The following SDK1 variants were observed in gnomAD, a reference collection of about 807,000 sequenced individuals.
SDK1 encodes protein sidekick-1.
Under a neutral mutation model 245.5 loss-of-function variants are expected in SDK1, and 157 were observed. The ratio of observed to expected loss-of-function variants is 0.64; its 90% CI spans 0.56 to 0.73. The LOEUF (loss-of-function observed/expected upper bound fraction) is 0.73, where lower values mean the gene tolerates loss of function less well. Ranked by LOEUF, SDK1 falls within the 30% of genes least tolerant of loss-of-function variation. The pLI is 0.00. For synonymous variants in SDK1, 1,647 were observed against 1,278.5 expected, an observed-to-expected ratio of 1.29 and a Z score of -6.15; for missense variants, 3,583 against 3,002.3, an observed-to-expected ratio of 1.19 and a Z score of -4.52.
At chr7:4,234,521 G>T (rs939098817) in intron 41 of SDK1, among the ~76,000 whole-genome samples, 16 of 152,190 alleles carry the variant, frequency 1.1e-4, no homozygotes, top group African/African-American at 3.9e-4. Flanking sequence ...GAGGCAGAAG[G>T]TGGCGGAGAA....
At chr7:3,813,677 G>A (rs1018381874) in intron 4 of SDK1, among the ~76,000 whole-genome samples, 24 of 133,446 alleles carry the variant, frequency 1.8e-4, no homozygotes, top group South Asian at 2.5e-4. Flanking sequence ...GATCCCCGAG[G>A]AATCGCCACA....
intron 7 of SDK1, among the ~76,000 whole-genome samples, chr7:3,953,436 T>C (rs1283411901): frequency 6.6e-6 from 1 of 152,236 alleles, no homozygotes; most frequent in Non-Finnish European, 1.5e-5. Context: ...CTGGTATTGC[T>C]ACCTTCCCCA....
At chr7:3,553,397 C>T (rs1779477684) in intron 1 of SDK1, among the ~76,000 whole-genome samples, 1 of 152,144 alleles carries the variant, frequency 6.6e-6, no homozygotes, top group African/African-American at 2.4e-5. Flanking sequence ...TGATAGACCC[C>T]AGAAATAATG....
intron 1 of SDK1, among the ~76,000 whole-genome samples, chr7:3,533,414 C>G (rs941813436): frequency 4.6e-5 from 7 of 152,146 alleles, no homozygotes; most frequent in African/African-American, 1.7e-4. Context: ...TTCAAAATAA[C>G]ATGAATTTTA....
intron 43 of SDK1, among the ~76,000 whole-genome samples, chr7:4,242,665 G>A (rs375191204): frequency 8.7e-4 from 133 of 152,280 alleles, no homozygotes; most frequent in African/African-American, 3.0e-3. Flanking sequence ...CCCCAGCATC[G>A]GGGTGGAGGA....
chr7:4,182,037 A>C (rs1211683021), intron 35 of SDK1, among the ~76,000 whole-genome samples: 1 of 152,140 alleles, frequency 6.6e-6, no homozygotes, highest in African/African-American at 2.4e-5. Flanking sequence ...CTCCTGCCTC[A>C]GCCTCCTGAG....
rs868494492 is a variant in SDK1, at chr7:3,718,549, A to C, written c.713+76444A>C. Among the ~76,000 whole-genome samples, 47 of 133,956 alleles carry C rather than the reference A, an allele frequency of 3.5e-4. 1 individual carries two copies. Among genetic ancestry groups the C allele is most frequent in the African/African-American group, 1.4e-3 (44 of 30,436 alleles). The allele number at this position is 133,956 out of a possible 152,430, so 87.9% of individuals were successfully genotyped here. A position where few individuals can be genotyped will look rare whatever the true frequency, so the allele number is the denominator to read the frequency against. On this transcript the variant is annotated intron_variant, in intron 4 of 44. Transcript: ENST00000404826. ...TAAATAAATAAATAAATAAATAAAT[A>C]AATAAATAAATAAATAAATAAATAA...
intron 5 of SDK1, among the ~76,000 whole-genome samples, chr7:3,862,143 T>G (rs1329668140): frequency 6.6e-6 from 1 of 152,230 alleles, no homozygotes; most frequent in Non-Finnish European, 1.5e-5. Flanking sequence ...ACTTACGCAA[T>G]GCTTAGGAAA....
intron 1 of SDK1, among the ~76,000 whole-genome samples, chr7:3,367,090 G>T (rs1781112927): frequency 6.6e-6 from 1 of 152,216 alleles, no homozygotes; most frequent in Non-Finnish European, 1.5e-5. Context: ...TGGAAGATAA[G>T]TTGTGAAAGT....
At chr7:3,435,759 C>T (rs949202686) in intron 1 of SDK1, among the ~76,000 whole-genome samples, 3 of 152,118 alleles carry the variant, frequency 2.0e-5, no homozygotes, top group African/African-American at 4.8e-5. Flanking sequence ...TTCTAAGGGA[C>T]ATCTTGTGGC....
intron 35 of SDK1, 33 bp downstream of exon 35, chr7:4,178,619 G>C: frequency 2.0e-6 from 3 of 1,497,280 alleles, no homozygotes; most frequent in Non-Finnish European, 2.8e-6. Flanking sequence ...CCCACTGCCA[G>C]AGAGGGCCAC....
At chr7:3,774,578 G>A (rs1780496590) in intron 4 of SDK1, among the ~76,000 whole-genome samples, 1 of 152,192 alleles carries the variant, frequency 6.6e-6, no homozygotes, top group Non-Finnish European at 1.5e-5. Context: ...GAAGTTGGAA[G>A]CCTTAAGTAG....
intron 14 of SDK1, among the ~76,000 whole-genome samples, chr7:3,998,923 C>A (rs989071334): frequency 2.0e-4 from 31 of 152,106 alleles, no homozygotes; most frequent in African/African-American, 7.5e-4. Context: ...ACCAGGAAGC[C>A]CAAAGCTAAC....
At chr7:4,122,280 C>A (rs1784115153) in intron 25 of SDK1, among the ~76,000 whole-genome samples, 1 of 152,178 alleles carries the variant, frequency 6.6e-6, no homozygotes, top group Non-Finnish European at 1.5e-5. Context: ...GAAACTTACT[C>A]TCCCCAGCAG....
chr7:3,835,776 G>C (rs1482682321), intron 5 of SDK1, among the ~76,000 whole-genome samples: 6 of 148,628 alleles, frequency 4.0e-5, no homozygotes, highest in Non-Finnish European at 3.0e-5. Context: ...CAGAGCTTTT[G>C]TTGGTGGAAT....
chr7:3,673,721 C>G (rs1480093942), intron 4 of SDK1, among the ~76,000 whole-genome samples: 4 of 152,164 alleles, frequency 2.6e-5, no homozygotes, highest in Non-Finnish European at 5.9e-5. Context: ...AACTGCGCCC[C>G]CTGCTGCCTT....
At chr7:3,532,721 G>A (rs1334295406) in intron 1 of SDK1, among the ~76,000 whole-genome samples, 1 of 152,080 alleles carries the variant, frequency 6.6e-6, no homozygotes, top group African/African-American at 2.4e-5. Flanking sequence ...TACCTATGTT[G>A]GAAACTAGAG....
intron 1 of SDK1, among the ~76,000 whole-genome samples, chr7:3,340,532 G>A (rs1188826377): frequency 6.6e-6 from 1 of 152,116 alleles, no homozygotes; most frequent in African/African-American, 2.4e-5. Flanking sequence ...GGAGGCCAAG[G>A]TGGGTGGCTC....
chr7:3,945,546 G>C (rs563427089), intron 5 of SDK1, among the ~76,000 whole-genome samples: 2 of 152,118 alleles, frequency 1.3e-5, no homozygotes, highest in South Asian at 4.2e-4. Flanking sequence ...CAAAAAGTTA[G>C]TCTTGGGAGT....
Sources: allele counts gnomAD v4.1 joint callset (sites outside exome capture counted in the v4.1 genomes callset), GRCh38; gene constraint gnomAD v4.1.1; transcripts MANE v1.5; gene names NCBI Gene and HGNC (gene_info 2026-07-23, HGNC 2026-07-21).